The following AGMO variants were observed in gnomAD, a reference collection of about 807,000 sequenced individuals.
AGMO encodes the protein alkylglycerol monooxygenase.
A neutral mutation model predicts 60.2 loss-of-function variants in AGMO; 75 were observed. That is an observed-to-expected ratio of 1.25 (90% confidence interval 1.03 to 1.51). AGMO has a LOEUF of 1.51. Ranked by LOEUF, AGMO falls within the 40% of genes most tolerant of loss-of-function variation. The pLI, the probability that AGMO is intolerant of heterozygous loss-of-function variation, is 0.00. For synonymous variants in AGMO, 261 were observed against 177.1 expected, an observed-to-expected ratio of 1.47 and a Z score of -3.76; for missense variants, 763 against 525.5, an observed-to-expected ratio of 1.45 and a Z score of -4.42.
chr7:15,337,683 G>A (rs530308427), intron 12 of AGMO, among the ~76,000 whole-genome samples: 1 of 152,272 alleles, frequency 6.6e-6, no homozygotes, highest in South Asian at 2.1e-4. Context: ...ATAGGAATAG[G>A]TTCACGAAAT....
intron 12 of AGMO, among the ~76,000 whole-genome samples, chr7:15,253,410 G>A (rs1172192329): frequency 2.6e-5 from 4 of 152,118 alleles, no homozygotes; most frequent in African/African-American, 4.8e-5. Flanking sequence ...GAGGCTATTA[G>A]TCATTCAAGT....
intron 12 of AGMO, among the ~76,000 whole-genome samples, chr7:15,294,263 C>T (rs965114304): frequency 2.0e-5 from 3 of 151,832 alleles, no homozygotes; most frequent in Non-Finnish European, 4.4e-5. Flanking sequence ...AAACCCACAA[C>T]AACTTAGCTA....
At chr7:15,475,621 G>T (rs200907104) in intron 3 of AGMO, among the ~76,000 whole-genome samples, 45 of 152,044 alleles carry the variant, frequency 3.0e-4, no homozygotes, top group Middle Eastern at 3.4e-3. Context: ...AACCGCCATG[G>T]CATGTGTATA....
chr7:15,425,530 G>T (rs1781035718), intron 4 of AGMO, among the ~76,000 whole-genome samples: 1 of 151,674 alleles, frequency 6.6e-6, no homozygotes, highest in African/African-American at 2.4e-5. Flanking sequence ...AACCTCCAGG[G>T]ACCAAGTGAT....
At chr7:15,366,304 C>T in intron 10 of AGMO, 82 bp from the exon 11 acceptor site, 1 of 1,017,016 alleles carries the variant, frequency 9.8e-7, no homozygotes, top group Non-Finnish European at 1.5e-6. Flanking sequence ...TACAAAACAG[C>T]CCAAATTTTA....
At chr7:15,442,028 G>A (rs73682005) in intron 3 of AGMO, among the ~76,000 whole-genome samples, 3 of 152,078 alleles carry the variant, frequency 2.0e-5, no homozygotes, top group African/African-American at 7.2e-5. Flanking sequence ...TAGCAAATGA[G>A]TGTGGCTTTC....
intron 3 of AGMO, among the ~76,000 whole-genome samples, chr7:15,462,910 G>A (rs1317536751): frequency 6.6e-6 from 1 of 152,162 alleles, no homozygotes; most frequent in African/African-American, 2.4e-5. Flanking sequence ...CTGGAGGGCA[G>A]GAGAAATCAG....
chr7:15,551,770 T>C (rs1290108723), intron 2 of AGMO, among the ~76,000 whole-genome samples: 1 of 151,270 alleles, frequency 6.6e-6, no homozygotes. Flanking sequence ...TTCAATGCCA[T>C]CCCCATAAAG....
At chr7:15,118,173 A>AACACACACAC in the AGMO span, among the ~76,000 whole-genome samples, 239 of 144,668 alleles carry the variant, frequency 1.7e-3, 3 homozygotes, top group African/African-American at 5.6e-3. Context: ...ACTAAAGAGA[A>AACACACACAC]ACACACACAC....
the AGMO span, among the ~76,000 whole-genome samples, chr7:15,164,909 T>A: frequency 6.6e-6 from 1 of 152,184 alleles, no homozygotes; most frequent in East Asian, 1.9e-4. Context: ...GAAAAAAAAT[T>A]GTTATATCAA....
the AGMO span, among the ~76,000 whole-genome samples, chr7:15,160,835 G>C: frequency 1.3e-5 from 2 of 152,116 alleles, no homozygotes; most frequent in Non-Finnish European, 2.9e-5. Context: ...ACTCTGTGCT[G>C]CTATAAAAGA....
At chr7:15,327,300 T>C (rs1243831047) in intron 12 of AGMO, among the ~76,000 whole-genome samples, 1 of 152,148 alleles carries the variant, frequency 6.6e-6, no homozygotes, top group South Asian at 2.1e-4. Context: ...TGGGGCTAGG[T>C]TTCCATGAAG....
At chr7:15,337,429 C>G (rs1180801694) in intron 12 of AGMO, among the ~76,000 whole-genome samples, 1 of 152,118 alleles carries the variant, frequency 6.6e-6, no homozygotes, top group African/African-American at 2.4e-5. Context: ...AGAGGAGGGT[C>G]TGGTAGCCTT....
At chr7:15,217,082 G>T (rs973954149) in intron 12 of AGMO, among the ~76,000 whole-genome samples, 3 of 152,044 alleles carry the variant, frequency 2.0e-5, no homozygotes, top group Admixed American at 2.0e-4. Flanking sequence ...AAAACGAGAA[G>T]GTGAGGAAGG....
At chr7:15,199,523 A>G (rs1451075577), downstream of AGMO, among the ~76,000 whole-genome samples, 2 of 152,178 alleles carry the variant, frequency 1.3e-5, no homozygotes, top group African/African-American at 4.8e-5. Flanking sequence ...CTGACATACT[A>G]AACAACTATG....
chr7:15,243,115 A>G (rs1206806158), intron 12 of AGMO, among the ~76,000 whole-genome samples: 3 of 151,980 alleles, frequency 2.0e-5, no homozygotes, highest in Non-Finnish European at 2.9e-5. Flanking sequence ...AAATATCTTT[A>G]ATATTAATAT....
chr7:15,528,877 A>G (rs1784195286), intron 3 of AGMO, among the ~76,000 whole-genome samples: 2 of 152,038 alleles, frequency 1.3e-5, no homozygotes, highest in African/African-American at 2.4e-5. Flanking sequence ...CGAACTCCCA[A>G]CCTCAGGTGA....
intron 8 of AGMO, among the ~76,000 whole-genome samples, chr7:15,389,078 T>C (rs1784037490): frequency 1.3e-5 from 2 of 152,316 alleles, no homozygotes; most frequent in Admixed American, 6.5e-5. Flanking sequence ...GTCTCAATTA[T>C]AAATGCCGTT....
chr7:15,546,857 T>C (rs1350128526), intron 2 of AGMO, among the ~76,000 whole-genome samples: 1 of 152,224 alleles, frequency 6.6e-6, no homozygotes, highest in Non-Finnish European at 1.5e-5. Context: ...TTCACAACAG[T>C]GCCACTGCTG....
Sources: allele counts gnomAD v4.1 joint callset (sites outside exome capture counted in the v4.1 genomes callset), GRCh38; gene constraint gnomAD v4.1.1; transcripts MANE v1.5; gene names NCBI Gene and HGNC (gene_info 2026-07-23, HGNC 2026-07-21).